ATP8A2: variants seen among roughly 807,000 people sequenced by gnomAD.
The protein encoded by ATP8A2 is phospholipid-transporting ATPase IB.
ATP8A2 carries 100 observed loss-of-function variants against 165.6 expected under a neutral mutation model. That is an observed-to-expected ratio of 0.60 (90% CI 0.51 to 0.71). ATP8A2 has a LOEUF of 0.71. Ranked by LOEUF, ATP8A2 falls within the 30% of genes least tolerant of loss-of-function variation. ATP8A2 has a pLI of 0.00. For synonymous variants in ATP8A2, 543 were observed against 548.8 expected, an observed-to-expected ratio of 0.99 and a Z score of 0.15; for missense variants, 1,227 against 1,479.5, an observed-to-expected ratio of 0.83 and a Z score of 2.80.
At chr13:25,554,462 T>C (rs2038915042) in intron 12 of ATP8A2, among the ~76,000 whole-genome samples, 1 of 152,110 alleles carries the variant, frequency 6.6e-6, no homozygotes, top group Non-Finnish European at 1.5e-5. Context: ...TAGTCTAGGT[T>C]GTGAAATGAT....
At chr13:25,970,150 T>TC (rs1362369647) in intron 35 of ATP8A2, among the ~76,000 whole-genome samples, 1 of 152,216 alleles carries the variant, frequency 6.6e-6, no homozygotes, top group East Asian at 1.9e-4. Context: ...ACTTACAGGC[T>TC]CCCTTATATA....
chr13:25,410,286 C>T (rs1341325179), intron 1 of ATP8A2, among the ~76,000 whole-genome samples: 8 of 152,066 alleles, frequency 5.3e-5, no homozygotes, highest in Non-Finnish European at 1.2e-4. Context: ...TCAAGACCTT[C>T]GTCAAATGCT....
At chr13:25,466,567 C>T (rs1446969079) in intron 1 of ATP8A2, among the ~76,000 whole-genome samples, 1 of 152,166 alleles carries the variant, frequency 6.6e-6, no homozygotes, top group Admixed American at 6.5e-5. Context: ...AGGGCAGGAA[C>T]CTGATCTTCT....
chr13:25,430,407 G>C lies in ATP8A2; in HGVS notation c.77-38570G>C, dbSNP rs375049823. Among the ~76,000 whole-genome samples the C allele has an allele frequency of 3.9e-5, 6 of 152,292 alleles. No individual in the cohort carries two copies. The South Asian group carries it at 1.2e-3, about 32-fold the overall frequency. On this transcript the variant is annotated intron_variant, in intron 1 of 36. Coordinates refer to ENST00000381655, the MANE Select transcript of ATP8A2 (RefSeq NM_016529.6). ...ATGGGGGATGCCAAATGCTGCAGGA[G>C]TTTTGTAGGAGCAGGAGTGGTTGTG...
chr13:25,626,527 T>G (rs2041104426), intron 24 of ATP8A2, among the ~76,000 whole-genome samples: 1 of 152,152 alleles, frequency 6.6e-6, no homozygotes, highest in Non-Finnish European at 1.5e-5. Flanking sequence ...AAGTTTTAAA[T>G]GAATGAAATT....
At chr13:25,477,665 G>C (rs2036032226) in intron 2 of ATP8A2, among the ~76,000 whole-genome samples, 1 of 152,144 alleles carries the variant, frequency 6.6e-6, no homozygotes, top group Admixed American at 6.5e-5. Context: ...GGCCAGGTGT[G>C]GTGGCTCACA....
intron 24 of ATP8A2, among the ~76,000 whole-genome samples, chr13:25,597,597 A>G (rs74041037): frequency 0.037 from 5,596 of 152,270 alleles, 346 homozygotes; most frequent in African/African-American, 0.13. Flanking sequence ...CAAGAGATGA[A>G]TCCTGCCAAC....
intron 25 of ATP8A2, among the ~76,000 whole-genome samples, chr13:25,762,933 C>CGTTAGGGAAAGAAT (rs1362982760): frequency 6.6e-6 from 1 of 152,086 alleles, no homozygotes; most frequent in African/African-American, 2.4e-5. Flanking sequence ...CAGCTGATGG[C>CGTTAGGGAAAGAAT]GTTAGGGAAA....
chr13:25,918,366 A>G (rs1193589658), intron 33 of ATP8A2, among the ~76,000 whole-genome samples: 2 of 152,212 alleles, frequency 1.3e-5, no homozygotes, highest in African/African-American at 4.8e-5. Context: ...TGGGCTGCAT[A>G]TGCTTTCAAC....
At chr13:25,472,408 A>T (rs373756564) in intron 2 of ATP8A2, among the ~76,000 whole-genome samples, 12,446 of 151,252 alleles carry the variant, frequency 0.082, 835 homozygotes, top group African/African-American at 0.18. Context: ...AAAAAAAAAA[A>T]AAATTGATTA....
At chr13:25,699,532 A>G (rs1566059697) in intron 25 of ATP8A2, among the ~76,000 whole-genome samples, 187 bp downstream of exon 25, 1 of 152,204 alleles carries the variant, frequency 6.6e-6, no homozygotes, top group Non-Finnish European at 1.5e-5. Context: ...TGGTTTTTAC[A>G]TTTTTGTTTT....
rs369825954 is a variant in ATP8A2 at position 25,652,775 on chromosome 13, T to C, written c.2212-46398T>C. 1.1e-4 allele frequency among the ~76,000 whole-genome samples: 17 copies of C among 152,328 alleles called. No individual in the cohort carries two copies. In the East Asian group the frequency reaches 1.7e-3, roughly 16 times the overall value. On this transcript the variant is annotated intron_variant, in intron 24 of 36. Coordinates refer to ENST00000381655, the MANE Select transcript of ATP8A2 (RefSeq NM_016529.6). ...TTTCAGTAGAGTTTTTAAAGCGCAC[T>C]CTGCCTTTTGGCTCTGCTGAGATTC...
intron 10 of ATP8A2, among the ~76,000 whole-genome samples, chr13:25,550,311 T>G (rs1420379881): frequency 6.6e-6 from 1 of 151,776 alleles, no homozygotes; most frequent in East Asian, 1.9e-4. Context: ...TCTCAAAAAA[T>G]AAAATAAAAT....
At chr13:25,623,603 A>G (rs549858344) in intron 24 of ATP8A2, among the ~76,000 whole-genome samples, 7 of 152,312 alleles carry the variant, frequency 4.6e-5, no homozygotes, top group South Asian at 2.1e-4. Context: ...TTTCTAATTT[A>G]TCAGTCTCAT....
At chr13:25,918,582 T>C (rs1315915421) in intron 33 of ATP8A2, among the ~76,000 whole-genome samples, 2 of 152,140 alleles carry the variant, frequency 1.3e-5, no homozygotes, top group Non-Finnish European at 2.9e-5. Context: ...CAGCAGTTTA[T>C]GTTATAATAT....
rs140525284 is a variant in ATP8A2 at position 25,769,012 on chromosome 13, T to C, written c.2385-34T>C. The C allele has an allele frequency of 6.2e-4, 994 of 1,595,980 alleles. 9 individuals carry two copies. The East Asian group carries it at 0.02, about 32-fold the overall frequency. On this transcript the variant is annotated intron_variant, in intron 25 of 36. Coordinates refer to ENST00000381655, the MANE Select transcript of ATP8A2 (RefSeq NM_016529.6). ...TACAGCTGTTTCCTCTGGAAAGACA[T>C]GCATAGCTCTGATTTCCCTCTCTTT...
chr13:25,850,327 G>T (rs1444691515), intron 30 of ATP8A2, among the ~76,000 whole-genome samples: 1 of 152,156 alleles, frequency 6.6e-6, no homozygotes, highest in African/African-American at 2.4e-5. Context: ...TTTATTTATA[G>T]AGACTTTTTT....
At chr13:25,826,004 G>T (rs560604923) in intron 27 of ATP8A2, among the ~76,000 whole-genome samples, 3 of 152,304 alleles carry the variant, frequency 2.0e-5, no homozygotes, top group Non-Finnish European at 4.4e-5. Context: ...GGAATAAGTT[G>T]TTTGGGGTTT....
intron 35 of ATP8A2, among the ~76,000 whole-genome samples, chr13:25,982,673 C>T (rs1956194055): frequency 6.6e-6 from 1 of 152,264 alleles, no homozygotes; most frequent in South Asian, 2.1e-4. Flanking sequence ...TCTGCTGTGG[C>T]GTCAAGGTTT....
Sources: gnomAD v4.1 joint callset for allele counts (sites outside exome capture counted in the v4.1 genomes callset) on GRCh38, gnomAD v4.1.1 for gene constraint, MANE v1.5 for transcripts, NCBI Gene and HGNC (gene_info 2026-07-23, HGNC 2026-07-21) for gene names.